The following FAF1 variants were observed in gnomAD, a reference collection of about 807,000 sequenced individuals.
FAF1 encodes Fas associated factor 1, also known as FAS-associated factor 1.
Under a neutral mutation model 92.5 loss-of-function variants are expected in FAF1, and 25 were observed. The observed-to-expected ratio is 0.27, with a 90% CI of 0.20 to 0.38. The LOEUF (loss-of-function observed/expected upper bound fraction) is 0.38. Among genes scored for constraint, FAF1 ranks in the 10% least tolerant of loss-of-function variants. The probability of loss-of-function intolerance (pLI) is 1.00; values close to 1 mark genes in which losing one functional copy is unlikely to be tolerated. For missense variants in FAF1, 636 were observed against 793.3 expected, an observed-to-expected ratio of 0.80 and a Z score of 2.38; for synonymous variants, 234 against 273.2, an observed-to-expected ratio of 0.86 and a Z score of 1.42.
chr1:50,718,595 A>G, intron 6 of FAF1, among the ~76,000 whole-genome samples: 1 of 152,370 alleles, frequency 6.6e-6, no homozygotes, highest in East Asian at 1.9e-4. Context: ...AAATTGGCTT[A>G]TAAGGTTCAT....
chr1:50,456,841 G>T (rs1646358484), intron 18 of FAF1, among the ~76,000 whole-genome samples: 1 of 152,144 alleles, frequency 6.6e-6, no homozygotes, highest in Non-Finnish European at 1.5e-5. Flanking sequence ...GAAGGCAAAT[G>T]CCTGGCTCAG....
At chr1:50,879,109 A>G (rs569505907) in intron 1 of FAF1, among the ~76,000 whole-genome samples, 8 of 152,238 alleles carry the variant, frequency 5.3e-5, no homozygotes, top group Admixed American at 3.3e-4. Context: ...AGCCGGGTGT[A>G]TGGTGGGCAC....
intron 6 of FAF1, among the ~76,000 whole-genome samples, chr1:50,723,091 G>A (rs1297039796): frequency 6.6e-6 from 1 of 152,094 alleles, no homozygotes; most frequent in Non-Finnish European, 1.5e-5. Context: ...CAGATTATGA[G>A]GTGGTGGAGA....
intron 8 of FAF1, among the ~76,000 whole-genome samples, chr1:50,653,487 A>G (rs185687356): frequency 6.6e-6 from 1 of 152,208 alleles, no homozygotes; most frequent in African/African-American, 2.4e-5. Context: ...AGTAGCTGGG[A>G]TTAAAGTCAC....
chr1:50,662,950 G>A (rs1353175019), intron 7 of FAF1, among the ~76,000 whole-genome samples: 4 of 151,464 alleles, frequency 2.6e-5, no homozygotes, highest in African/African-American at 9.8e-5. Context: ...GCCCGCCTTG[G>A]CCTCCCGAAG....
chr1:50,472,004 A>G (rs1646578951), intron 18 of FAF1, among the ~76,000 whole-genome samples: 1 of 152,124 alleles, frequency 6.6e-6, no homozygotes, highest in South Asian at 2.1e-4. Context: ...GAAGATAAGG[A>G]AGTGGCACAG....
At chr1:50,685,387 C>T (rs562757964) in intron 7 of FAF1, among the ~76,000 whole-genome samples, 62 of 152,006 alleles carry the variant, frequency 4.1e-4, no homozygotes, top group Admixed American at 9.8e-4. Context: ...GTCCGTGTAG[C>T]GAGATAGAAG....
chr1:50,642,433 A>T (rs1391025039), intron 8 of FAF1, among the ~76,000 whole-genome samples: 1 of 151,936 alleles, frequency 6.6e-6, no homozygotes, highest in East Asian at 1.9e-4. Context: ...GGGGGATCAC[A>T]AAGTCAGGAG....
intron 15 of FAF1, among the ~76,000 whole-genome samples, chr1:50,513,573 T>G (rs1248116220): frequency 6.6e-6 from 1 of 152,238 alleles, no homozygotes; most frequent in Non-Finnish European, 1.5e-5. Flanking sequence ...GTTTCCATTC[T>G]GCAAAAAGTT....
chr1:50,539,789 T>C, intron 13 of FAF1, 61 bp from the exon 14 acceptor site: 2 of 1,212,906 alleles, frequency 1.6e-6, no homozygotes, highest in Non-Finnish European at 2.4e-6. Context: ...TTACTAGTAC[T>C]TCAACAAAGA....
chr1:50,544,232 A>C (rs1648896534), intron 13 of FAF1, among the ~76,000 whole-genome samples: 1 of 152,186 alleles, frequency 6.6e-6, no homozygotes, highest in African/African-American at 2.4e-5. Context: ...CTTTGGTTTA[A>C]ACTAAACTAA....
intron 8 of FAF1, among the ~76,000 whole-genome samples, chr1:50,631,301 G>A (rs1480618674): frequency 2.0e-5 from 3 of 152,104 alleles, no homozygotes; most frequent in East Asian, 3.8e-4. Context: ...TAAATTGCAT[G>A]CCATACTAAG....
intron 8 of FAF1, among the ~76,000 whole-genome samples, chr1:50,638,841 C>A (rs1327331695): frequency 1.3e-5 from 2 of 152,158 alleles, no homozygotes; most frequent in Middle Eastern, 3.2e-3. Context: ...TGAAAAAAAA[C>A]TTATTTTTAT....
At chr1:50,952,798 C>T (rs1299932882) in intron 1 of FAF1, among the ~76,000 whole-genome samples, 1 of 151,858 alleles carries the variant, frequency 6.6e-6, no homozygotes, top group Non-Finnish European at 1.5e-5. Context: ...TGCCCGGCCG[C>T]CCCGTCTGGG....
At chr1:50,461,278 T>A (rs1646426271) in intron 18 of FAF1, among the ~76,000 whole-genome samples, 1 of 152,196 alleles carries the variant, frequency 6.6e-6, no homozygotes. Flanking sequence ...CAAATCTGTG[T>A]ATTTTTCATG....
At chr1:50,582,789 T>G (rs1319139253) in intron 11 of FAF1, 90 bp from the exon 12 acceptor site, 1 of 812,684 alleles carries the variant, frequency 1.2e-6, no homozygotes, top group African/African-American at 1.7e-5. Flanking sequence ...AAGTAAATGT[T>G]GGGGCTAATG....
chr1:50,509,301 T>A (rs994548970), intron 15 of FAF1, among the ~76,000 whole-genome samples: 2 of 152,098 alleles, frequency 1.3e-5, no homozygotes, highest in Non-Finnish European at 2.9e-5. Flanking sequence ...CTTAAAAAAA[T>A]GTTAAAATTG....
intron 2 of FAF1, among the ~76,000 whole-genome samples, chr1:50,824,405 T>C (rs1644073949): frequency 6.6e-6 from 1 of 152,128 alleles, no homozygotes; most frequent in Non-Finnish European, 1.5e-5. Flanking sequence ...TAGTCTGCCT[T>C]ATAATAATGT....
chr1:50,923,469 C>A (rs1301925196), intron 1 of FAF1, among the ~76,000 whole-genome samples: 1 of 152,012 alleles, frequency 6.6e-6, no homozygotes, highest in Non-Finnish European at 1.5e-5. Context: ...AAGCCCAGGA[C>A]CAGATGGCTT....
Sources: allele counts gnomAD v4.1 joint callset (sites outside exome capture counted in the v4.1 genomes callset), GRCh38; gene constraint gnomAD v4.1.1; transcripts MANE v1.5; gene names NCBI Gene and HGNC (gene_info 2026-07-23, HGNC 2026-07-21).